TASP1: variants seen among roughly 807,000 people sequenced by gnomAD.
The protein encoded by TASP1 is taspase 1, also known as threonine aspartase 1.
Under a neutral mutation model 56.6 loss-of-function variants are expected in TASP1, and 16 were observed. The ratio of observed to expected loss-of-function variants is 0.28; its 90% CI spans 0.19 to 0.43. TASP1 has a LOEUF of 0.43. TASP1 is among the 20% of genes least tolerant of loss of function. TASP1 has a pLI of 1.00. For synonymous variants in TASP1, 179 were observed against 184.2 expected (o/e 0.97, Z 0.23); for missense variants, 393 against 511.6 (o/e 0.77, Z 2.24).
intron 8 of TASP1, among the ~76,000 whole-genome samples, chr20:13,558,345 T>C (rs1161037029): frequency 1.3e-5 from 2 of 152,164 alleles, no homozygotes; most frequent in Non-Finnish European, 2.9e-5. Context: ...AACGCCTGAA[T>C]ACAATATGTA....
intron 11 of TASP1, among the ~76,000 whole-genome samples, chr20:13,465,129 C>T (rs552303905): frequency 1.4e-5 from 2 of 148,114 alleles, no homozygotes; most frequent in South Asian, 4.3e-4. Flanking sequence ...CATGATGGTG[C>T]CACTGCATTC....
intron 10 of TASP1, among the ~76,000 whole-genome samples, chr20:13,527,270 C>T (rs935931672): frequency 6.6e-6 from 1 of 152,044 alleles, no homozygotes; most frequent in Non-Finnish European, 1.5e-5. Context: ...AGACAGAAAG[C>T]AGGACAAGAG....
chr20:13,283,917 G>T, the TASP1 span, among the ~76,000 whole-genome samples: 1 of 152,098 alleles, frequency 6.6e-6, no homozygotes, highest in Non-Finnish European at 1.5e-5. Context: ...GTATCTTAAA[G>T]CCAGAGCAAC....
At chr20:13,604,722 G>A (rs2048083637) in intron 4 of TASP1, among the ~76,000 whole-genome samples, 2 of 151,984 alleles carry the variant, frequency 1.3e-5, no homozygotes, top group African/African-American at 4.8e-5. Context: ...AAAACCACCA[G>A]ATACCATTAT....
At chr20:13,573,291 T>C (rs893150642) in intron 6 of TASP1, among the ~76,000 whole-genome samples, 3 of 152,178 alleles carry the variant, frequency 2.0e-5, no homozygotes, top group African/African-American at 4.8e-5. Context: ...CATTAGGAGG[T>C]GGGGCCTTTT....
the TASP1 span, among the ~76,000 whole-genome samples, chr20:13,328,671 G>T: frequency 6.6e-6 from 1 of 152,100 alleles, no homozygotes; most frequent in Admixed American, 6.6e-5. Flanking sequence ...TGCATGGAGT[G>T]GGAAGCCATT....
At chr20:13,119,312 CTA>C in the TASP1 span, among the ~76,000 whole-genome samples, 1 of 152,152 alleles carries the variant, frequency 6.6e-6, no homozygotes, top group Non-Finnish European at 1.5e-5. Flanking sequence ...ATTTTTCCCC[CTA>C]GAGTAGCTTC....
the TASP1 span, among the ~76,000 whole-genome samples, chr20:13,228,329 C>T: frequency 6.6e-6 from 1 of 151,904 alleles, no homozygotes; most frequent in Non-Finnish European, 1.5e-5. Flanking sequence ...AACACAGTTT[C>T]AAAAATTTTT....
intron 12 of TASP1, among the ~76,000 whole-genome samples, chr20:13,431,652 A>G (rs1172858531): frequency 6.6e-6 from 1 of 152,194 alleles, no homozygotes; most frequent in East Asian, 1.9e-4. Context: ...CGAATGCTAT[A>G]GGGTCTGAAT....
At chr20:13,137,896 T>C in the TASP1 span, among the ~76,000 whole-genome samples, 1 of 152,010 alleles carries the variant, frequency 6.6e-6, no homozygotes, top group South Asian at 2.1e-4. Context: ...CAAACATAGG[T>C]CCCCCTGAGC....
the TASP1 span, among the ~76,000 whole-genome samples, chr20:13,259,114 C>G: frequency 6.6e-6 from 1 of 152,058 alleles, no homozygotes; most frequent in Non-Finnish European, 1.5e-5. Context: ...GAAACCCCGT[C>G]TCTACTAAAA....
intron 5 of TASP1, 113 bp from the exon 6 acceptor site, chr20:13,581,094 T>A: frequency 1.1e-6 from 1 of 892,210 alleles, no homozygotes; most frequent in Non-Finnish European, 1.7e-6. Context: ...TGGAAATTCT[T>A]TTTCGATATA....
chr20:13,273,202 C>G, the TASP1 span, among the ~76,000 whole-genome samples: 2 of 71,436 alleles, frequency 2.8e-5, no homozygotes, highest in South Asian at 7.2e-4. Context: ...CTACCTAGAC[C>G]TCACTTGGGT....
chr20:13,255,286 T>G, the TASP1 span, among the ~76,000 whole-genome samples: 5 of 152,308 alleles, frequency 3.3e-5, no homozygotes, highest in East Asian at 9.6e-4. Flanking sequence ...GATAAAATGC[T>G]CTTTTTGTTG....
chr20:13,614,943 T>G (rs965437317), intron 4 of TASP1: 1 of 407,000 alleles, frequency 2.5e-6, no homozygotes, highest in Non-Finnish European at 5.0e-6. Context: ...CACTTATACT[T>G]CCCTTCAACC....
At chr20:13,247,476 G>A in the TASP1 span, among the ~76,000 whole-genome samples, 1 of 151,552 alleles carries the variant, frequency 6.6e-6, no homozygotes, top group Non-Finnish European at 1.5e-5. Flanking sequence ...TTCGCCGGAT[G>A]CTGTGGCTGA....
intron 1 of TASP1, among the ~76,000 whole-genome samples, chr20:13,634,660 G>A (rs1177870011): frequency 2.0e-5 from 3 of 150,418 alleles, no homozygotes; most frequent in Non-Finnish European, 4.4e-5. Flanking sequence ...AACCAGGGAG[G>A]CAAAGGTTGC....
intron 12 of TASP1, among the ~76,000 whole-genome samples, chr20:13,418,473 C>A (rs1410061248): frequency 6.6e-6 from 1 of 152,088 alleles, no homozygotes; most frequent in Non-Finnish European, 1.5e-5. Context: ...AAAGTCAGAA[C>A]CAGTGAGCCC....
At chr20:13,403,869 A>G (rs2041825808) in intron 13 of TASP1, among the ~76,000 whole-genome samples, 1 of 152,156 alleles carries the variant, frequency 6.6e-6, no homozygotes, top group African/African-American at 2.4e-5. Flanking sequence ...ATGACAGAGC[A>G]AGAGCCTATC....
Sources: allele counts gnomAD v4.1 joint callset (sites outside exome capture counted in the v4.1 genomes callset), GRCh38; gene constraint gnomAD v4.1.1; transcripts MANE v1.5; gene names NCBI Gene and HGNC (gene_info 2026-07-23, HGNC 2026-07-21).